Variants in GRID2 observed in about 807,000 individuals in gnomAD.
GRID2 encodes the protein glutamate ionotropic receptor delta type subunit 2.
Under a neutral mutation model 114.8 loss-of-function variants are expected in GRID2, and 33 were observed. The ratio of observed to expected loss-of-function variants is 0.29; its 90% CI spans 0.22 to 0.38. GRID2 has a LOEUF of 0.38. GRID2 is among the 10% of genes least tolerant of loss of function. The probability of loss-of-function intolerance (pLI) is 1.00; values close to 1 mark genes in which losing one functional copy is unlikely to be tolerated. For synonymous variants in GRID2, 505 were observed against 449.9 expected (o/e 1.12, Z -1.55); for missense variants, 1,184 against 1,257.7 (o/e 0.94, Z 0.89).
intron 6 of GRID2, among the ~76,000 whole-genome samples, chr4:93,220,238 TTA>T (rs201847282): frequency 1.3e-5 from 2 of 151,122 alleles, no homozygotes; most frequent in Admixed American, 6.6e-5. Context: ...AAGCCTTTAT[TTA>T]TATATATATA....
chr4:92,950,739 A>C (rs1403410770), intron 2 of GRID2, among the ~76,000 whole-genome samples: 1 of 152,178 alleles, frequency 6.6e-6, no homozygotes, highest in African/African-American at 2.4e-5. Flanking sequence ...ATATAAACCT[A>C]TAAGAAAAGT....
chr4:93,272,919 C>G (rs1216533358), intron 8 of GRID2, among the ~76,000 whole-genome samples: 1 of 152,136 alleles, frequency 6.6e-6, no homozygotes, highest in African/African-American at 2.4e-5. Flanking sequence ...AAATTGTTTG[C>G]TACATGGAGG....
At chr4:92,919,845 A>C (rs1487291300) in intron 2 of GRID2, among the ~76,000 whole-genome samples, 1 of 152,084 alleles carries the variant, frequency 6.6e-6, no homozygotes, top group Non-Finnish European at 1.5e-5. Context: ...TGGGGTGGAG[A>C]GTTCTGTAGA....
intron 1 of GRID2, among the ~76,000 whole-genome samples, chr4:93,803,614 C>T (rs866533788): frequency 7.2e-5 from 11 of 151,820 alleles, no homozygotes; most frequent in East Asian, 3.9e-4. Flanking sequence ...CCTAGCCACT[C>T]GGGAGGCTGA....
chr4:93,190,564 T>A (rs1029538192), intron 4 of GRID2, among the ~76,000 whole-genome samples: 13 of 152,172 alleles, frequency 8.5e-5, no homozygotes, highest in Non-Finnish European at 1.5e-4. Context: ...AATGTCCTTT[T>A]CTTGGCTCTC....
chr4:92,973,607 A>T (rs1753660154), intron 2 of GRID2, among the ~76,000 whole-genome samples: 1 of 152,194 alleles, frequency 6.6e-6, no homozygotes, highest in South Asian at 2.1e-4. Context: ...TAGGAAGATT[A>T]AGAGCACCAG....
At chr4:93,265,046 G>A (rs1480601742) in intron 8 of GRID2, among the ~76,000 whole-genome samples, 1 of 151,726 alleles carries the variant, frequency 6.6e-6, no homozygotes, top group Non-Finnish European at 1.5e-5. Context: ...CTCCCAAAGT[G>A]CGGGGATTAC....
At chr4:93,625,691 G>A (rs1020567585) in intron 13 of GRID2, among the ~76,000 whole-genome samples, 22 of 152,148 alleles carry the variant, frequency 1.4e-4, no homozygotes, top group African/African-American at 2.4e-4. Context: ...CGAGGCGGGC[G>A]GATTACGAGG....
At chr4:92,731,011 T>A (rs948592662) in intron 2 of GRID2, among the ~76,000 whole-genome samples, 1 of 151,942 alleles carries the variant, frequency 6.6e-6, no homozygotes, top group African/African-American at 2.4e-5. Flanking sequence ...AAAATACTAA[T>A]TTCCAACTTT....
intron 10 of GRID2, among the ~76,000 whole-genome samples, chr4:93,430,694 A>G (rs1769325285): frequency 6.6e-6 from 1 of 152,260 alleles, no homozygotes; most frequent in African/African-American, 2.4e-5. Flanking sequence ...TGTCTTAATG[A>G]GAAACACAGA....
rs191201036 is a variant in GRID2 at position 92,735,221 on chromosome 4, G to A, written c.244+144935G>A. Reference sequence around the variant, plus strand: ...TAATACAGTGGTCCTTTCCTTATATGCCAGAAATATGTTCTGAGACCTCTA... The same window carrying A: ...TAATACAGTGGTCCTTTCCTTATATACCAGAAATATGTTCTGAGACCTCTA... On this transcript the variant is annotated intron_variant, in intron 2 of 15. Transcript: ENST00000282020. Among the ~76,000 whole-genome samples the A allele has an allele frequency of 2.0e-3, 301 of 151,990 alleles. 2 individuals carry two copies. Among genetic ancestry groups the A allele is most frequent in the African/African-American group, 6.8e-3 (283 of 41,456 alleles).
intron 2 of GRID2, among the ~76,000 whole-genome samples, chr4:92,745,551 G>T (rs1737111620): frequency 6.6e-6 from 1 of 152,234 alleles, no homozygotes; most frequent in Non-Finnish European, 1.5e-5. Context: ...TTTAAGAAGA[G>T]ATATTTTAAT....
intron 2 of GRID2, among the ~76,000 whole-genome samples, chr4:93,055,935 CT>C (rs1727191221): frequency 6.6e-6 from 1 of 151,910 alleles, no homozygotes; most frequent in Non-Finnish European, 1.5e-5. Context: ...TTATGCTCCC[CT>C]CATCTCCAAA....
At chr4:92,801,538 A>G (rs1375349400) in intron 2 of GRID2, among the ~76,000 whole-genome samples, 2 of 151,908 alleles carry the variant, frequency 1.3e-5, no homozygotes, top group African/African-American at 4.8e-5. Flanking sequence ...TATAGCATAT[A>G]GATTTCTTTG....
intron 2 of GRID2, among the ~76,000 whole-genome samples, chr4:92,780,820 C>A (rs1739036381): frequency 2.6e-5 from 4 of 152,188 alleles, no homozygotes; most frequent in South Asian, 2.1e-4. Context: ...TGCTTATATG[C>A]CTTCTGATCT....
chr4:93,022,262 A>C (rs1280667723), intron 2 of GRID2, among the ~76,000 whole-genome samples: 4 of 151,942 alleles, frequency 2.6e-5, no homozygotes, highest in Non-Finnish European at 4.4e-5. Flanking sequence ...ATAAATATTT[A>C]TATGTGGGCA....
At chr4:93,219,622 A>G (rs1344220569) in intron 6 of GRID2, among the ~76,000 whole-genome samples, 2 of 152,182 alleles carry the variant, frequency 1.3e-5, no homozygotes, top group African/African-American at 2.4e-5. Context: ...CATTTCACAA[A>G]TTTTTTAATT....
chr4:93,092,805 A>C, intron 3 of GRID2, among the ~76,000 whole-genome samples: 1 of 151,954 alleles, frequency 6.6e-6, no homozygotes, highest in East Asian at 1.9e-4. Flanking sequence ...TGTTGACAAC[A>C]GATCAGCAGT....
chr4:92,404,430 G>A lies in GRID2; in HGVS notation c.88+99686G>A, dbSNP rs560184162. Among the ~76,000 whole-genome samples the A allele has an allele frequency of 3.9e-5, 6 of 152,272 alleles. No homozygotes were observed. In the South Asian group the frequency reaches 8.3e-4, roughly 21 times the overall value. On this transcript the variant is annotated intron_variant, in intron 1 of 15. Coordinates refer to ENST00000282020, the MANE Select transcript of GRID2 (RefSeq NM_001510.4). ...GGAGAAACAGGAATGCTTTTACACC[G>A]TTGGTGGGAATGTAAATTAGTTCAA...
Sources: allele counts gnomAD v4.1 joint callset (sites outside exome capture counted in the v4.1 genomes callset), GRCh38; gene constraint gnomAD v4.1.1; transcripts MANE v1.5; gene names NCBI Gene and HGNC (gene_info 2026-07-23, HGNC 2026-07-21).